The following FTO variants were observed in gnomAD, a reference collection of about 807,000 sequenced individuals.
FTO encodes FTO alpha-ketoglutarate dependent dioxygenase.
A neutral mutation model predicts 63.9 loss-of-function variants in FTO; 47 were observed. That is an observed-to-expected ratio of 0.74 (90% CI 0.58 to 0.94). The LOEUF (loss-of-function observed/expected upper bound fraction) is 0.94. FTO is among the 40% of genes least tolerant of loss of function. The pLI is 0.00. For missense variants in FTO, 562 were observed against 618.1 expected, an observed-to-expected ratio of 0.91 and a Z score of 0.96; for synonymous variants, 207 against 224.4, an observed-to-expected ratio of 0.92 and a Z score of 0.69.
chr16:53,834,432 G>A (rs190040239), intron 3 of FTO, among the ~76,000 whole-genome samples: 27 of 152,282 alleles, frequency 1.8e-4, no homozygotes, highest in African/African-American at 6.5e-4. Flanking sequence ...ACTACTGAAT[G>A]ACATCATTCA....
At chr16:53,941,507 G>T (rs1396005676) in intron 8 of FTO, among the ~76,000 whole-genome samples, 1 of 152,192 alleles carries the variant, frequency 6.6e-6, no homozygotes, top group Non-Finnish European at 1.5e-5. Flanking sequence ...CTACCAGAAT[G>T]AAAGTTTTAT....
At chr16:53,742,881 A>G (rs1000607381) in intron 1 of FTO, among the ~76,000 whole-genome samples, 1 of 152,102 alleles carries the variant, frequency 6.6e-6, no homozygotes, top group African/African-American at 2.4e-5. Context: ...TGGTTCCTTT[A>G]GTTCTTGGAA....
chr16:54,099,524 C>T (rs954103583), intron 8 of FTO, among the ~76,000 whole-genome samples: 1 of 152,164 alleles, frequency 6.6e-6, no homozygotes, highest in Non-Finnish European at 1.5e-5. Flanking sequence ...ATATTGTTAC[C>T]TTTGGGCAGG....
chr16:53,852,101 C>CAAAAAAAAAAA lies in FTO; in HGVS notation c.895+7812_895+7822dup, dbSNP rs57004473. Among the ~76,000 whole-genome samples, 494 of 54,396 alleles carry CAAAAAAAAAAA rather than the reference C, an allele frequency of 9.1e-3. 51 individuals carry two copies. Among genetic ancestry groups the CAAAAAAAAAAA allele is most frequent in the African/African-American group, 0.025 (417 of 16,890 alleles). The allele number at this position is 54,396 out of a possible 152,430, so 35.7% of individuals were successfully genotyped here. ...CAAAACTCTGTCTCTACAAAAAATA[C>CAAAAAAAAAAA]AAAAAAAAAAAAAAAAAAAGCCAGG... On this transcript the variant is annotated intron_variant, in intron 4 of 8. Coordinates refer to ENST00000471389, the MANE Select transcript of FTO (RefSeq NM_001080432.3).
At chr16:53,737,531 G>T (rs2076417143) in intron 1 of FTO, among the ~76,000 whole-genome samples, 1 of 151,596 alleles carries the variant, frequency 6.6e-6, no homozygotes, top group East Asian at 1.9e-4. Flanking sequence ...ACATATAAAA[G>T]GTGCAGTCAA....
intron 1 of FTO, among the ~76,000 whole-genome samples, chr16:53,790,831 TTTACC>T (rs1187316318): frequency 1.1e-4 from 16 of 152,154 alleles, no homozygotes; most frequent in Admixed American, 1.0e-3. Flanking sequence ...AAGAGTGGGA[TTTACC>T]TGATGATCTT....
At chr16:53,991,924 C>T (rs1444752854) in intron 8 of FTO, 1 of 152,144 alleles carries the variant, frequency 6.6e-6, no homozygotes, top group Admixed American at 6.5e-5. Context: ...CCAGTTGCTG[C>T]CAGGAACTGT....
intron 8 of FTO, among the ~76,000 whole-genome samples, chr16:54,054,793 A>G (rs1466905810): frequency 6.6e-6 from 1 of 152,208 alleles, no homozygotes; most frequent in African/African-American, 2.4e-5. Flanking sequence ...TCAGTAATGA[A>G]AAAGGAGTGA....
chr16:53,987,237 A>G lies in FTO; in HGVS notation c.1364+53128A>G, dbSNP rs192050096. Among the ~76,000 whole-genome samples, 6 of 152,316 alleles carry G rather than the reference A, an allele frequency of 3.9e-5. No individual in the cohort carries two copies. In the East Asian group the frequency reaches 1.2e-3, roughly 29 times the overall value. On this transcript the variant is annotated intron_variant, in intron 8 of 8. Transcript: ENST00000471389. The stretch of plus-strand genomic sequence containing the variant: ...AAAAAATATTAACAAGTGAAAAACA[A>G]GCATTCTATTCCATGTTCCCTCTTA...
chr16:53,884,757 G>A (rs1367654778), intron 6 of FTO, among the ~76,000 whole-genome samples: 2 of 152,156 alleles, frequency 1.3e-5, no homozygotes, highest in Admixed American at 6.5e-5. Flanking sequence ...CAGATATGTG[G>A]GTTGATTCCA....
intron 1 of FTO, among the ~76,000 whole-genome samples, chr16:53,798,886 T>C (rs527415646): frequency 5.7e-4 from 87 of 152,338 alleles, no homozygotes; most frequent in African/African-American, 1.9e-3. Context: ...TAGGGTTTCA[T>C]TGATTCCTTT....
chr16:53,970,032 G>A (rs770405174), intron 8 of FTO, among the ~76,000 whole-genome samples: 111 of 152,256 alleles, frequency 7.3e-4, no homozygotes, highest in Middle Eastern at 3.4e-3. Flanking sequence ...CATGTCCAAC[G>A]GAGGAGGCGA....
chr16:53,749,450 T>C (rs1224569934), intron 1 of FTO, among the ~76,000 whole-genome samples: 1 of 151,764 alleles, frequency 6.6e-6, no homozygotes, highest in African/African-American at 2.4e-5. Context: ...TCTTTTTTTT[T>C]TTTTTGAGAC....
chr16:53,839,824 A>T (rs2079420615), intron 3 of FTO, among the ~76,000 whole-genome samples: 1 of 139,508 alleles, frequency 7.2e-6, no homozygotes, highest in African/African-American at 2.6e-5. Flanking sequence ...TATTTATTTT[A>T]AGGTGCAGTG....
chr16:54,075,291 G>A (rs2085966086), intron 8 of FTO, among the ~76,000 whole-genome samples: 3 of 152,106 alleles, frequency 2.0e-5, no homozygotes, highest in South Asian at 2.1e-4. Context: ...TATTATTAAC[G>A]TACTTTTTAC....
intron 8 of FTO, among the ~76,000 whole-genome samples, chr16:54,021,309 A>G (rs531377124): frequency 2.7e-4 from 41 of 152,274 alleles, no homozygotes; most frequent in Middle Eastern, 3.4e-3. Context: ...GCAGTAATCC[A>G]TGGATCAACA....
chr16:53,834,680 T>C (rs2079241951), intron 3 of FTO, among the ~76,000 whole-genome samples: 1 of 152,194 alleles, frequency 6.6e-6, no homozygotes, highest in African/African-American at 2.4e-5. Flanking sequence ...AAGTCAAATA[T>C]TTTTATAAGG....
At chr16:53,758,552 T>C (rs74498370) in intron 1 of FTO, among the ~76,000 whole-genome samples, 6,468 of 152,288 alleles carry the variant, frequency 0.042, 200 homozygotes, top group Non-Finnish European at 0.058. Context: ...CATATCGCTC[T>C]GTAGTGAGGC....
intron 8 of FTO, among the ~76,000 whole-genome samples, chr16:54,052,945 ACC>A (rs1433179866): frequency 6.6e-6 from 1 of 151,946 alleles, no homozygotes; most frequent in Non-Finnish European, 1.5e-5. Context: ...CAGGAGATCC[ACC>A]CACCTCAGCC....
Sources: gnomAD v4.1 joint callset for allele counts (sites outside exome capture counted in the v4.1 genomes callset) on GRCh38, gnomAD v4.1.1 for gene constraint, MANE v1.5 for transcripts, NCBI Gene and HGNC (gene_info 2026-07-23, HGNC 2026-07-21) for gene names.